Variants in PCDHA2 observed in about 807,000 individuals in gnomAD.
PCDHA2 encodes protocadherin alpha 2, also known as protocadherin alpha-2.
A neutral mutation model predicts 66.0 loss-of-function variants in PCDHA2; 58 were observed. The ratio of observed to expected loss-of-function variants is 0.88; its 90% confidence interval spans 0.71 to 1.09. The LOEUF (loss-of-function observed/expected upper bound fraction) is 1.09, where lower values mean the gene tolerates loss of function less well. Among genes scored for constraint, PCDHA2 ranks in the 50% least tolerant of loss-of-function variants. The pLI is 0.00. For missense variants in PCDHA2, 1,267 were observed against 1,242.3 expected (o/e 1.02, Z -0.30); for synonymous variants, 634 against 554.0 (o/e 1.14, Z -2.03).
intron 1 of PCDHA2, among the ~76,000 whole-genome samples, chr5:140,961,280 C>T (rs246003): frequency 7.2e-5 from 11 of 152,104 alleles, no homozygotes; most frequent in Non-Finnish European, 1.0e-4. Flanking sequence ...TACCATGGCT[C>T]TGTTTCTTGA....
chr5:140,823,151 A>G (rs1554129165), intron 1 of PCDHA2: 2 of 1,613,766 alleles, frequency 1.2e-6, no homozygotes, highest in African/African-American at 1.3e-5. Flanking sequence ...CAGCCCCAGT[A>G]TACCGTGTTC....
Position 140,795,411 on chromosome 5 carries a change from T to C in PCDHA2, c.447T>C (p.Asp149=). Residue 149 remains aspartate (D), a synonymous_variant, in exon 1 of 4, where the codon GAT becomes GAC. Coordinates refer to ENST00000526136, the MANE Select transcript of PCDHA2 (RefSeq NM_018905.3). The part of the protein sequence containing the change: ...TIRFPESRLL[D]SRFPLEGASD... ...GGTTTCCCGAATCAAGGCTGCTTGATTCTCGGTTTCCTCTAGAGGGAGCAT... is the reference window on the plus strand; with the variant it reads ...GGTTTCCCGAATCAAGGCTGCTTGACTCTCGGTTTCCTCTAGAGGGAGCAT... 6.2e-7 allele frequency: 1 copy of C among 1,614,206 alleles called. No homozygotes were observed. Among genetic ancestry groups the C allele is most frequent in the Non-Finnish European group, 8.5e-7 (1 of 1,180,040 alleles).
At chr5:140,888,958 A>G (rs1174377099) in intron 1 of PCDHA2, among the ~76,000 whole-genome samples, 1 of 152,010 alleles carries the variant, frequency 6.6e-6, no homozygotes, top group African/African-American at 2.4e-5. Flanking sequence ...TTTCTTTGGC[A>G]ATGTTAATGT....
Position 140,836,765 on chromosome 5 carries a change from A to T in PCDHA2, c.2388+39413A>T, listed in dbSNP as rs200916074. ...TGAGTCATAAATAATCTTGTTTCCA[A>T]CAATTTTAAAACAATTAGTTCAATT... On this transcript the variant is annotated intron_variant, in intron 1 of 3. Coordinates refer to ENST00000526136, the MANE Select transcript of PCDHA2 (RefSeq NM_018905.3). 7.0e-6 allele frequency: 11 copies of T among 1,563,040 alleles called. No individual in the cohort carries two copies. The East Asian group carries it at 9.0e-5, about 13-fold the overall frequency.
chr5:140,933,332 G>A (rs2089060279), intron 1 of PCDHA2, among the ~76,000 whole-genome samples: 1 of 151,968 alleles, frequency 6.6e-6, no homozygotes, highest in African/African-American at 2.4e-5. Context: ...CTGTGCTGTA[G>A]AGAAAGATAA....
intron 1 of PCDHA2, among the ~76,000 whole-genome samples, chr5:140,905,145 T>C (rs1264141592): frequency 1.3e-5 from 2 of 152,252 alleles, no homozygotes; most frequent in African/African-American, 4.8e-5. Context: ...TCTGCTGTTA[T>C]ATTTTAGAAT....
intron 1 of PCDHA2, chr5:140,828,768 T>C (rs2150158736): frequency 6.2e-7 from 1 of 1,614,220 alleles, no homozygotes; most frequent in Non-Finnish European, 8.5e-7. Flanking sequence ...ACAGGCACTG[T>C]TCAGCTGCTG....
intron 1 of PCDHA2, among the ~76,000 whole-genome samples, chr5:140,943,845 C>T (rs59104695): frequency 0.056 from 8,479 of 152,194 alleles, 700 homozygotes; most frequent in African/African-American, 0.18. Flanking sequence ...TGTAAGATGT[C>T]ACAGAAGTCA....
At position 140,809,064 on chromosome 5, in the gene PCDHA2, T is replaced by G. The variant is rs543142225; in HGVS notation, c.2388+11712T>G. The G allele has an allele frequency of 8.1e-6, 13 of 1,613,910 alleles. No homozygotes were observed. The South Asian group carries it at 1.4e-4, about 18-fold the overall frequency. ...GCGCGCATCCCGTTCCGCGTGGGGCTGTACACTGGCGAGATCAGCACAACG... is the reference window on the plus strand; with the variant it reads ...GCGCGCATCCCGTTCCGCGTGGGGCGGTACACTGGCGAGATCAGCACAACG... On this transcript the variant is annotated intron_variant, in intron 1 of 3. Transcript: ENST00000526136.
At chr5:140,809,321 G>T (rs1169021514) in intron 1 of PCDHA2, 4 of 1,614,100 alleles carry the variant, frequency 2.5e-6, no homozygotes, top group Non-Finnish European at 3.4e-6. Context: ...CAGCCTTTTG[G>T]TGCTCACGCT....
At position 140,848,680 on chromosome 5, in the gene PCDHA2, G is replaced by T. The variant is rs2150417098; in HGVS notation, c.2388+51328G>T. ...CTGGAGCTGGCGGAGCTGGTGCCGC[G>T]CCTGTTCCAGTTGGATTCCAAAGGC... On this transcript the variant is annotated intron_variant, in intron 1 of 3. Transcript: ENST00000526136. 4.4e-5 allele frequency: 70 copies of T among 1,592,250 alleles called. 5 individuals are homozygous for T. The highest frequency in any genetic ancestry group is 3.9e-4 in the Admixed American group (23 of 59,170).
At chr5:140,841,748 T>C in intron 1 of PCDHA2, 6 of 1,613,846 alleles carry the variant, frequency 3.7e-6, no homozygotes, top group Non-Finnish European at 5.1e-6. Flanking sequence ...GCTGTTTGTT[T>C]CAGAATCCAG....
chr5:140,965,036 G>A (rs568573122), intron 1 of PCDHA2, among the ~76,000 whole-genome samples: 1 of 152,272 alleles, frequency 6.6e-6, no homozygotes, highest in African/African-American at 2.4e-5. Context: ...TTAACTGTCC[G>A]CTCTAGGAGG....
intron 1 of PCDHA2, chr5:140,869,568 G>C (rs1554163237): frequency 6.2e-7 from 1 of 1,614,168 alleles, no homozygotes; most frequent in East Asian, 2.2e-5. Context: ...TTCCACTAGA[G>C]GGAGCTTCTG....
chr5:141,009,103 C>G (rs1440460108), intron 3 of PCDHA2, among the ~76,000 whole-genome samples: 1 of 152,170 alleles, frequency 6.6e-6, no homozygotes, highest in African/African-American at 2.4e-5. Flanking sequence ...ACATATGTTA[C>G]TATGAAACTA....
intron 1 of PCDHA2, chr5:140,856,230 G>C (rs17844339): frequency 1.3e-6 from 2 of 1,597,950 alleles, no homozygotes; most frequent in African/African-American, 1.3e-5. Flanking sequence ...CTGGTGCAGC[G>C]CCTGTTCCGG....
chr5:140,974,672 T>G lies in PCDHA2; in HGVS notation c.2389-4277T>G, dbSNP rs186958750. On this transcript the variant is annotated intron_variant, in intron 1 of 3. Coordinates refer to ENST00000526136, the MANE Select transcript of PCDHA2 (RefSeq NM_018905.3). ...GATTACAGGCATGCGCCACCATGCC[T>G]GGCTAATTTTGTATTTTTGGGTTTC... 4.6e-3 allele frequency among the ~76,000 whole-genome samples: 694 copies of G among 152,134 alleles called. 4 individuals are homozygous for G. Among genetic ancestry groups the G allele is most frequent in the African/African-American group, 0.016 (672 of 41,518 alleles).
intron 1 of PCDHA2, among the ~76,000 whole-genome samples, chr5:140,800,291 G>A (rs1762536301): frequency 1.3e-5 from 2 of 151,972 alleles, no homozygotes; most frequent in South Asian, 2.1e-4. Context: ...GTAAAGGACC[G>A]ACTTCTGAAA....
chr5:140,976,814 A>G (rs1276394910), intron 1 of PCDHA2, among the ~76,000 whole-genome samples: 1 of 152,242 alleles, frequency 6.6e-6, no homozygotes, highest in East Asian at 1.9e-4. Flanking sequence ...GAAGATATGC[A>G]TGTGTCTAAT....
Sources: allele counts gnomAD v4.1 joint callset (sites outside exome capture counted in the v4.1 genomes callset), GRCh38; gene constraint gnomAD v4.1.1; transcripts MANE v1.5; gene names NCBI Gene and HGNC (gene_info 2026-07-23, HGNC 2026-07-21).